The following ANKRD17 variants were observed in gnomAD, a reference collection of about 807,000 sequenced individuals.
The protein encoded by ANKRD17 is ankyrin repeat domain-containing protein 17.
A neutral mutation model predicts 229.7 loss-of-function variants in ANKRD17; 19 were observed. The observed-to-expected ratio is 0.08, with a 90% CI of 0.06 to 0.12. The LOEUF is 0.12. Among genes scored for constraint, ANKRD17 ranks in the 10% least tolerant of loss-of-function variants. The pLI, the probability that ANKRD17 is intolerant of heterozygous loss-of-function variation, is 1.00. For synonymous variants in ANKRD17, 1,112 were observed against 1,146.1 expected, an observed-to-expected ratio of 0.97 and a Z score of 0.60; for missense variants, 2,176 against 3,176.8, an observed-to-expected ratio of 0.68 and a Z score of 7.57.
chr4:73,113,731 A>T, intron 24 of ANKRD17, 61 bp downstream of exon 24: 1 of 1,226,580 alleles, frequency 8.2e-7, no homozygotes, highest in South Asian at 1.2e-5. Flanking sequence ...TTACAAATCA[A>T]AAGAAGAGAA....
chr4:73,183,758 C>T (rs1735896005), intron 1 of ANKRD17, among the ~76,000 whole-genome samples: 1 of 152,048 alleles, frequency 6.6e-6, no homozygotes, highest in Non-Finnish European at 1.5e-5. Context: ...GCCACTTTTA[C>T]CCGGTCTATA....
chr4:73,183,564 C>T (rs1439823012), intron 1 of ANKRD17, among the ~76,000 whole-genome samples: 1 of 152,086 alleles, frequency 6.6e-6, no homozygotes, highest in Non-Finnish European at 1.5e-5. Context: ...AAGCGATTCT[C>T]CCACCTCAGC....
chr4:73,111,908 T>G (rs1458878093), intron 24 of ANKRD17, among the ~76,000 whole-genome samples: 1 of 152,222 alleles, frequency 6.6e-6, no homozygotes, highest in Non-Finnish European at 1.5e-5. Flanking sequence ...ACAAGATAAT[T>G]AAGTATTTTG....
At chr4:73,211,114 T>C (rs915818497) in intron 1 of ANKRD17, among the ~76,000 whole-genome samples, 4 of 152,144 alleles carry the variant, frequency 2.6e-5, no homozygotes, top group African/African-American at 9.7e-5. Flanking sequence ...ATTAACCATA[T>C]AGTCAAGCAC....
At chr4:73,159,514 A>T (rs1732216494) in intron 3 of ANKRD17, among the ~76,000 whole-genome samples, 1 of 152,232 alleles carries the variant, frequency 6.6e-6, no homozygotes, top group African/African-American at 2.4e-5. Context: ...TGTGGCACAT[A>T]GTACTCACTG....
At chr4:73,077,756 A>G (rs913128007) in intron 31 of ANKRD17, among the ~76,000 whole-genome samples, 3 of 152,136 alleles carry the variant, frequency 2.0e-5, no homozygotes, top group Non-Finnish European at 2.9e-5. Context: ...AAAAAAACCT[A>G]AGTACAACCT....
Position 73,120,287 on chromosome 4 carries a change from C to T in ANKRD17, c.3900G>A (p.Val1300=). Residue 1300 remains valine (V), a synonymous_variant, in exon 21 of 34, where the codon GTG becomes GTA. Coordinates refer to ENST00000358602, the MANE Select transcript of ANKRD17 (RefSeq NM_032217.5). ...CACCTTTATCCAAAAGAACTCGGCC[C>T]ACCTCCGCATATCCACCAGAGGCAG... ...MEAASGGYAE[V]GRVLLDKGAD... is the part of the protein sequence containing the mutation. 3 of 1,613,966 alleles carry T rather than the reference C, an allele frequency of 1.9e-6. No homozygotes were observed. In the South Asian group the frequency reaches 3.3e-5, roughly 18 times the overall value.
At chr4:73,089,699 TA>T (rs1722575912) in intron 29 of ANKRD17, among the ~76,000 whole-genome samples, 1 of 152,174 alleles carries the variant, frequency 6.6e-6, no homozygotes, top group African/African-American at 2.4e-5. Flanking sequence ...AAAAATATTT[TA>T]AAGTAAAAAG....
Position 73,120,953 on chromosome 4 carries a change from G to A in ANKRD17, c.3777C>T (p.Ala1259=), listed in dbSNP as rs765306685. 1.7e-5 allele frequency: 27 copies of A among 1,613,482 alleles called. No individual in the cohort carries two copies. The highest frequency in any genetic ancestry group is 5.0e-5 in the Admixed American group (3 of 59,926). Reference sequence around the variant, plus strand: ...CCACTTCAGTTCTTCCTTGGAAGCAGGCTAAAGTAAGGGCAGTGTTCCGAT... The same window carrying A: ...CCACTTCAGTTCTTCCTTGGAAGCAAGCTAAAGTAAGGGCAGTGTTCCGAT... ...ETNRNTALTL[A]CFQGRTEVVS... is the part of the protein sequence containing the mutation. Residue 1259 remains alanine (A), a synonymous_variant, in exon 20 of 34, where the codon GCC becomes GCT. Coordinates refer to ENST00000358602, the MANE Select transcript of ANKRD17 (RefSeq NM_032217.5).
chr4:73,178,535 AGTTT>A (rs1735034455), intron 1 of ANKRD17, among the ~76,000 whole-genome samples: 1 of 152,002 alleles, frequency 6.6e-6, no homozygotes, highest in African/African-American at 2.4e-5. Context: ...ATATCAGTAC[AGTTT>A]GTTTCCATGG....
At chr4:73,222,954 A>C (rs923352508) in intron 1 of ANKRD17, 2 of 1,510,004 alleles carry the variant, frequency 1.3e-6, no homozygotes, top group African/African-American at 2.8e-5. Context: ...CTTTCATTTC[A>C]CTTACAAACC....
Position 73,255,417 on chromosome 4 carries a change from T to G in ANKRD17, c.393+2859A>C, listed in dbSNP as rs190740670. ...ACATTCCTTTTTAATCTTTTGATGA[T>G]TTTTACTGGAAGGATAATTTTAAAG... On this transcript the variant is annotated intron_variant, in intron 1 of 33. Coordinates refer to ENST00000358602, the MANE Select transcript of ANKRD17 (RefSeq NM_032217.5). Among the ~76,000 whole-genome samples, 219 of 152,332 alleles carry G rather than the reference T, an allele frequency of 1.4e-3. No individual in the cohort carries two copies. The South Asian group carries it at 0.018, about 13-fold the overall frequency.
At chr4:73,226,557 C>G (rs1459864853) in intron 1 of ANKRD17, among the ~76,000 whole-genome samples, 1 of 151,876 alleles carries the variant, frequency 6.6e-6, no homozygotes, top group Non-Finnish European at 1.5e-5. Context: ...CCATGCCCAG[C>G]TAATTTCTCG....
chr4:73,223,552 A>G (rs1052169285), intron 1 of ANKRD17, among the ~76,000 whole-genome samples: 2 of 152,238 alleles, frequency 1.3e-5, no homozygotes, highest in African/African-American at 4.8e-5. Flanking sequence ...GGTTTCAAAA[A>G]TAATTATCCT....
At chr4:73,257,081 T>G (rs1002000396) in intron 1 of ANKRD17, among the ~76,000 whole-genome samples, 9 of 152,212 alleles carry the variant, frequency 5.9e-5, no homozygotes. Flanking sequence ...AGAGAATAAA[T>G]AGTAAGTGGT....
At chr4:73,241,344 A>G (rs1484329577) in intron 1 of ANKRD17, among the ~76,000 whole-genome samples, 3 of 152,216 alleles carry the variant, frequency 2.0e-5, no homozygotes, top group African/African-American at 4.8e-5. Context: ...ACACTAGCCA[A>G]GAGATGGAAG....
chr4:73,215,080 G>A (rs1008537602), intron 1 of ANKRD17, among the ~76,000 whole-genome samples: 1 of 152,034 alleles, frequency 6.6e-6, no homozygotes. Flanking sequence ...TAATTTGGCA[G>A]ACATTTTCTC....
chr4:73,108,343 T>C (rs188721918), intron 24 of ANKRD17, among the ~76,000 whole-genome samples: 27 of 152,162 alleles, frequency 1.8e-4, no homozygotes, highest in African/African-American at 5.3e-4. Flanking sequence ...GAGACTGAAG[T>C]TTAGCAAAGA....
intron 1 of ANKRD17, among the ~76,000 whole-genome samples, chr4:73,200,070 G>A (rs1738443660): frequency 6.6e-6 from 1 of 152,080 alleles, no homozygotes; most frequent in African/African-American, 2.4e-5. Context: ...AAATTATACA[G>A]GAGGAAACAT....
Sources: gnomAD v4.1 joint callset for allele counts (sites outside exome capture counted in the v4.1 genomes callset) on GRCh38, gnomAD v4.1.1 for gene constraint, MANE v1.5 for transcripts, NCBI Gene and HGNC (gene_info 2026-07-23, HGNC 2026-07-21) for gene names.